Variants in PPP1R9A observed in about 807,000 individuals in gnomAD.
PPP1R9A encodes protein phosphatase 1 regulatory subunit 9A, also known as neurabin-1.
PPP1R9A carries 59 observed loss-of-function variants against 141.9 expected under a neutral mutation model. The observed-to-expected ratio is 0.42, with a 90% CI of 0.34 to 0.52. The LOEUF (loss-of-function observed/expected upper bound fraction) is 0.52. Among genes scored for constraint, PPP1R9A ranks in the 20% least tolerant of loss-of-function variants. The pLI is 0.10. For synonymous variants in PPP1R9A, 500 were observed against 569.7 expected, an observed-to-expected ratio of 0.88 and a Z score of 1.74; for missense variants, 1,444 against 1,611.9, an observed-to-expected ratio of 0.90 and a Z score of 1.78.
intron 2 of PPP1R9A, among the ~76,000 whole-genome samples, chr7:95,015,217 A>AATATATATATAT (rs139234228): frequency 5.7e-4 from 86 of 149,670 alleles, no homozygotes; most frequent in Non-Finnish European, 7.4e-4. Context: ...TACACACACG[A>AATATATATATAT]ATATATATAT....
At chr7:95,275,692 G>T (rs902686828) in intron 16 of PPP1R9A, among the ~76,000 whole-genome samples, 5 of 152,122 alleles carry the variant, frequency 3.3e-5, no homozygotes, top group Admixed American at 6.5e-5. Flanking sequence ...ATAAAATCAT[G>T]CAAGGACCAC....
intron 18 of PPP1R9A, among the ~76,000 whole-genome samples, chr7:95,286,637 T>C (rs1172974748): frequency 6.6e-6 from 1 of 152,126 alleles, no homozygotes; most frequent in African/African-American, 2.4e-5. Context: ...ATTACTCCTT[T>C]CTTTTTTTCC....
intron 2 of PPP1R9A, among the ~76,000 whole-genome samples, chr7:94,957,261 C>T (rs1454382983): frequency 6.6e-6 from 1 of 152,108 alleles, no homozygotes; most frequent in Non-Finnish European, 1.5e-5. Context: ...ACAGCCTGGA[C>T]TTCAGTCTAG....
intron 2 of PPP1R9A, among the ~76,000 whole-genome samples, chr7:95,081,072 A>G (rs1478169110): frequency 1.3e-5 from 2 of 152,216 alleles, no homozygotes; most frequent in Non-Finnish European, 2.9e-5. Flanking sequence ...TCAGAAGGGT[A>G]TGTAGCTTCA....
intron 2 of PPP1R9A, among the ~76,000 whole-genome samples, chr7:94,986,771 AAG>A (rs1308189440): frequency 1.3e-5 from 2 of 152,244 alleles, no homozygotes; most frequent in South Asian, 2.1e-4. Flanking sequence ...AAAAGGGAAA[AAG>A]AAATAGATTT....
intron 5 of PPP1R9A, among the ~76,000 whole-genome samples, chr7:95,173,517 C>A (rs942771438): frequency 4.0e-5 from 6 of 151,536 alleles, no homozygotes; most frequent in African/African-American, 1.5e-4. Flanking sequence ...TGATAAACTG[C>A]GTCAAAATTT....
intron 2 of PPP1R9A, among the ~76,000 whole-genome samples, chr7:94,912,361 A>G (rs907552433): frequency 2.6e-5 from 4 of 152,180 alleles, no homozygotes; most frequent in African/African-American, 9.6e-5. Context: ...GTTGAGTACC[A>G]GAATCTCCTG....
chr7:95,094,387 C>T (rs1394811707), intron 2 of PPP1R9A, among the ~76,000 whole-genome samples: 2 of 152,154 alleles, frequency 1.3e-5, no homozygotes, highest in African/African-American at 2.4e-5. Flanking sequence ...TAAAATCATT[C>T]GTAAATTCAT....
At position 94,984,058 on chromosome 7, in the gene PPP1R9A, C is replaced by T. The variant is rs529515156; in HGVS notation, c.1395+72550C>T. ...AGCATGAAGGCCTGTTGAATTTTAT[C>T]GAAGGCCTTTTTTGCATCTATTGAG... On this transcript the variant is annotated intron_variant, in intron 2 of 19. Coordinates refer to ENST00000433360, the MANE Select transcript of PPP1R9A (RefSeq NM_001166160.2). 9.6e-4 allele frequency among the ~76,000 whole-genome samples: 146 copies of T among 152,210 alleles called. 1 individual carries two copies. The highest frequency in any genetic ancestry group is 4.6e-3 in the South Asian group (22 of 4,814).
chr7:94,993,791 A>T (rs554505690), intron 2 of PPP1R9A, among the ~76,000 whole-genome samples: 58 of 152,186 alleles, frequency 3.8e-4, no homozygotes, highest in Admixed American at 9.8e-4. Flanking sequence ...ATTTTGTCAG[A>T]TTTTTTACCC....
intron 14 of PPP1R9A, among the ~76,000 whole-genome samples, chr7:95,272,923 A>G (rs1263974322): frequency 2.0e-5 from 3 of 152,240 alleles, no homozygotes; most frequent in Non-Finnish European, 2.9e-5. Context: ...AGTTTCACAC[A>G]TAAAAAACAT....
chr7:95,125,200 C>G (rs1423983794), intron 4 of PPP1R9A, among the ~76,000 whole-genome samples: 1 of 152,070 alleles, frequency 6.6e-6, no homozygotes, highest in Admixed American at 6.5e-5. Flanking sequence ...AGGCTGACCT[C>G]AAACTCTTGG....
Position 95,284,217 on chromosome 7 carries a change from G to T in PPP1R9A, c.3496G>T (p.Val1166Leu). 1 of 1,569,554 alleles carries T rather than the reference G, an allele frequency of 6.4e-7. No individual in the cohort carries two copies. The highest frequency in any genetic ancestry group is 8.7e-7 in the Non-Finnish European group (1 of 1,152,642). ...AATTTCAGATAAAAAGGGGTCCAAG[G>T]TAGAAAACACATGGATTACAAAAGC... ...TLISDKKGSKVENTWITKANK... is the reference protein window; with the variant it reads ...TLISDKKGSKLENTWITKANK... Residue 1166 changes from valine to leucine, a missense_variant, in exon 17 of 20, where the codon GTA becomes TTA. By Grantham distance (32) the Val-to-Leu change is conservative. This residue lies in a region of PPP1R9A where 459 missense variants were observed against 513.8 expected (regional missense o/e 0.89). Coordinates refer to ENST00000433360, the MANE Select transcript of PPP1R9A (RefSeq NM_001166160.2).
intron 2 of PPP1R9A, among the ~76,000 whole-genome samples, chr7:94,975,106 A>AG (rs1799280144): frequency 1.3e-5 from 2 of 152,164 alleles, no homozygotes; most frequent in Non-Finnish European, 2.9e-5. Context: ...TGGAAAAAAA[A>AG]TACTGTGTTG....
At chr7:95,247,756 C>A (rs571399432) in intron 9 of PPP1R9A, among the ~76,000 whole-genome samples, 1 of 152,176 alleles carries the variant, frequency 6.6e-6, no homozygotes, top group African/African-American at 2.4e-5. Context: ...TATGTATTTG[C>A]ACATATGTGG....
chr7:95,280,147 G>A (rs536522214), intron 16 of PPP1R9A, among the ~76,000 whole-genome samples: 19 of 152,266 alleles, frequency 1.2e-4, no homozygotes, highest in Admixed American at 3.9e-4. Flanking sequence ...CCATTTAGAT[G>A]AGGCTAGCTT....
chr7:95,189,004 A>G (rs1375295752), intron 5 of PPP1R9A, among the ~76,000 whole-genome samples: 1 of 152,110 alleles, frequency 6.6e-6, no homozygotes, highest in Non-Finnish European at 1.5e-5. Context: ...TTCTCTCAGC[A>G]TTTATTTCTT....
At chr7:95,220,154 G>A (rs1052091857) in intron 7 of PPP1R9A, among the ~76,000 whole-genome samples, 2 of 152,062 alleles carry the variant, frequency 1.3e-5, no homozygotes, top group Non-Finnish European at 2.9e-5. Context: ...ACAAAAAAAT[G>A]GAAAGAGAGA....
chr7:95,273,155 T>C (rs983294354), intron 14 of PPP1R9A, among the ~76,000 whole-genome samples: 5 of 152,174 alleles, frequency 3.3e-5, no homozygotes, highest in East Asian at 1.9e-4. Context: ...CCCCAGCAGC[T>C]GCTACCTTTG....
Sources: allele counts gnomAD v4.1 joint callset (sites outside exome capture counted in the v4.1 genomes callset), GRCh38; gene constraint gnomAD v4.1.1; regional missense constraint gnomAD v4.1.1; transcripts MANE v1.5; gene names NCBI Gene and HGNC (gene_info 2026-07-23, HGNC 2026-07-21).